Variants in CSMD1 observed in about 807,000 individuals in gnomAD.
CSMD1 encodes CUB and Sushi multiple domains 1, also known as CUB and sushi domain-containing protein 1.
Under a neutral mutation model 417.5 loss-of-function variants are expected in CSMD1, and 213 were observed. The observed-to-expected ratio is 0.51, with a 90% CI of 0.46 to 0.57. The LOEUF (loss-of-function observed/expected upper bound fraction) is 0.57. CSMD1 is among the 20% of genes least tolerant of loss of function. CSMD1 has a pLI of 0.00. For synonymous variants in CSMD1, 2,862 were observed against 1,736.8 expected, an observed-to-expected ratio of 1.65 and a Z score of -16.11; for missense variants, 6,923 against 4,529.7, an observed-to-expected ratio of 1.53 and a Z score of -15.17.
chr8:4,481,603 TATAAA>T (rs749066833), intron 2 of CSMD1, among the ~76,000 whole-genome samples: 18 of 152,166 alleles, frequency 1.2e-4, no homozygotes, highest in Admixed American at 3.9e-4. Context: ...ATCTAATCCT[TATAAA>T]ATAAACTTTA....
chr8:4,133,462 T>G (rs1286135884), intron 3 of CSMD1, among the ~76,000 whole-genome samples: 1 of 152,192 alleles, frequency 6.6e-6, no homozygotes, highest in Non-Finnish European at 1.5e-5. Flanking sequence ...TATTTTTCTT[T>G]CAGCCCCAAA....
chr8:4,445,994 C>A (rs141605406), intron 2 of CSMD1, among the ~76,000 whole-genome samples: 354 of 152,208 alleles, frequency 2.3e-3, no homozygotes, highest in African/African-American at 8.0e-3. Context: ...AGTGCCTCTT[C>A]CCTGGCAGCA....
chr8:4,274,182 A>G (rs1343466855), intron 3 of CSMD1, among the ~76,000 whole-genome samples: 1 of 152,188 alleles, frequency 6.6e-6, no homozygotes, highest in Non-Finnish European at 1.5e-5. Flanking sequence ...TAAATTAGAC[A>G]TCAAAGCAGA....
At chr8:4,464,266 A>C (rs1178124056) in intron 2 of CSMD1, among the ~76,000 whole-genome samples, 1 of 152,022 alleles carries the variant, frequency 6.6e-6, no homozygotes, top group Non-Finnish European at 1.5e-5. Context: ...CAGTGATTGT[A>C]TGAAGCACAG....
At chr8:3,988,207 T>C (rs775997492) in intron 5 of CSMD1, among the ~76,000 whole-genome samples, 4 of 152,116 alleles carry the variant, frequency 2.6e-5, no homozygotes, top group Non-Finnish European at 5.9e-5. Context: ...GGTGAGTCTG[T>C]GAATCCTAAA....
intron 1 of CSMD1, chr8:4,788,708 A>C: frequency 3.9e-6 from 2 of 508,296 alleles, no homozygotes; most frequent in Non-Finnish European, 3.5e-6. Flanking sequence ...TGTATTAGTG[A>C]ATCAATGCTT....
In CSMD1 at chr8:4,406,799, T is replaced by C. The variant is rs546289738; in HGVS notation, c.415+13154A>G. 2.6e-5 allele frequency among the ~76,000 whole-genome samples: 4 copies of C among 152,348 alleles called. No homozygotes were observed. The East Asian group carries it at 5.8e-4, about 22-fold the overall frequency. On this transcript the variant is annotated intron_variant, in intron 3 of 69. Coordinates refer to ENST00000635120, the MANE Select transcript of CSMD1 (RefSeq NM_033225.6). Reference sequence around the variant, plus strand: ...AACTCCTGAGTCATCTGGTGTTTGATGAAGGTGACTAACAAAGTTGTCTTG... The same window carrying C: ...AACTCCTGAGTCATCTGGTGTTTGACGAAGGTGACTAACAAAGTTGTCTTG...
intron 1 of CSMD1, among the ~76,000 whole-genome samples, chr8:4,762,872 A>T (rs1341889954): frequency 6.6e-6 from 1 of 152,224 alleles, no homozygotes; most frequent in East Asian, 1.9e-4. Flanking sequence ...AATAATATTT[A>T]TTAGGCATCT....
At chr8:4,606,626 A>G (rs1208229868) in intron 2 of CSMD1, among the ~76,000 whole-genome samples, 2 of 152,194 alleles carry the variant, frequency 1.3e-5, no homozygotes, top group Non-Finnish European at 2.9e-5. Context: ...ACGGAGACAA[A>G]TATGGGCTTA....
chr8:4,298,944 CAT>C (rs1175078963), intron 3 of CSMD1, among the ~76,000 whole-genome samples: 4 of 151,798 alleles, frequency 2.6e-5, no homozygotes, highest in East Asian at 1.9e-4. Context: ...ACACACAATA[CAT>C]ATATATGTCA....
chr8:3,369,806 G>A (rs1490112478), intron 18 of CSMD1, among the ~76,000 whole-genome samples: 1 of 152,182 alleles, frequency 6.6e-6, no homozygotes, highest in South Asian at 2.1e-4. Context: ...ATTTCAATGG[G>A]AAAGTGGCAA....
chr8:3,574,971 C>T lies in CSMD1; in HGVS notation c.1318G>A (p.Val440Ile), dbSNP rs149525313. The change falls in exon 10 of 70, where the codon GTC becomes ATC. Residue 440 changes from valine to isoleucine, a missense_variant. By Grantham distance (29) the Val-to-Ile change is conservative. Transcript: ENST00000635120. ...TTGTCCGGGTCGGTGGTGGTGATGA[C>T]CCACACACAGTGTGCATTATCTTCA... ...QYEDNAHCVWVITTTDPDKVI... is the reference protein window; with the variant it reads ...QYEDNAHCVWIITTTDPDKVI... 184 of 1,612,622 alleles carry T rather than the reference C, an allele frequency of 1.1e-4. No homozygotes were observed. Among genetic ancestry groups the T allele is most frequent in the Non-Finnish European group, 1.5e-4 (174 of 1,179,758 alleles).
At chr8:3,993,058 G>C (rs1364089939) in intron 5 of CSMD1, among the ~76,000 whole-genome samples, 2 of 152,232 alleles carry the variant, frequency 1.3e-5, no homozygotes, top group African/African-American at 4.8e-5. Flanking sequence ...AAAGACATCA[G>C]TAGAAAAGGC....
intron 3 of CSMD1, among the ~76,000 whole-genome samples, chr8:4,336,939 G>A (rs930991236): frequency 6.6e-6 from 1 of 152,012 alleles, no homozygotes; most frequent in South Asian, 2.1e-4. Context: ...AATTCTGTAG[G>A]CTACAATGTT....
chr8:3,392,283 T>A (rs1427366358), intron 17 of CSMD1, among the ~76,000 whole-genome samples: 1 of 151,974 alleles, frequency 6.6e-6, no homozygotes. Context: ...AAAAATTGGA[T>A]GACATTTTCA....
At chr8:4,071,458 A>G (rs1473744212) in intron 3 of CSMD1, among the ~76,000 whole-genome samples, 1 of 151,928 alleles carries the variant, frequency 6.6e-6, no homozygotes, top group African/African-American at 2.4e-5. Context: ...TATAACGCCT[A>G]TTTTTTTCCT....
intron 8 of CSMD1, among the ~76,000 whole-genome samples, chr8:3,600,881 G>A (rs1386267116): frequency 6.6e-6 from 1 of 152,146 alleles, no homozygotes; most frequent in Non-Finnish European, 1.5e-5. Context: ...TTAAATAAAT[G>A]ATTTCAATAC....
intron 5 of CSMD1, among the ~76,000 whole-genome samples, chr8:3,910,490 G>A (rs557802753): frequency 3.9e-4 from 60 of 152,252 alleles, no homozygotes; most frequent in African/African-American, 1.4e-3. Flanking sequence ...TTTTGAAAGT[G>A]AACCAAGTAA....
At chr8:3,276,665 T>C (rs1321873637) in intron 26 of CSMD1, among the ~76,000 whole-genome samples, 4 of 152,188 alleles carry the variant, frequency 2.6e-5, no homozygotes, top group Non-Finnish European at 5.9e-5. Context: ...ATTATTAAAA[T>C]AGCAGTTACA....
Sources: gnomAD v4.1 joint callset for allele counts (sites outside exome capture counted in the v4.1 genomes callset) on GRCh38, gnomAD v4.1.1 for gene constraint, MANE v1.5 for transcripts, NCBI Gene and HGNC (gene_info 2026-07-23, HGNC 2026-07-21) for gene names.